Variants in NSD2 observed in about 807,000 individuals in gnomAD.
The protein encoded by NSD2 is histone-lysine N-methyltransferase NSD2.
A neutral mutation model predicts 139.0 loss-of-function variants in NSD2; 12 were observed. The observed-to-expected ratio is 0.09, with a 90% CI of 0.06 to 0.14. The LOEUF (loss-of-function observed/expected upper bound fraction) is 0.14, where lower values mean the gene tolerates loss of function less well. Among genes scored for constraint, NSD2 ranks in the 10% least tolerant of loss-of-function variants. The pLI is 1.00. For missense variants in NSD2, 1,155 were observed against 1,745.0 expected (o/e 0.66, Z 6.02); for synonymous variants, 669 against 648.7 (o/e 1.03, Z -0.48).
chr4:1,874,842 CTG>C (rs1432919999), intron 1 of NSD2, among the ~76,000 whole-genome samples: 1 of 152,172 alleles, frequency 6.6e-6, no homozygotes, highest in Non-Finnish European at 1.5e-5. Flanking sequence ...TATTTGTAAA[CTG>C]TATGATTTGC....
At chr4:1,935,365 G>T in intron 7 of NSD2, 103 bp downstream of exon 7, 5 of 824,140 alleles carry the variant, frequency 6.1e-6, no homozygotes, top group South Asian at 1.8e-5. Flanking sequence ...GCAGGTGTCA[G>T]TGCACCCAGC....
chr4:1,923,948 C>G (rs1720511123), intron 5 of NSD2, among the ~76,000 whole-genome samples: 1 of 152,220 alleles, frequency 6.6e-6, no homozygotes, highest in Admixed American at 6.5e-5. Context: ...ATCCCTTTCT[C>G]TGCGTCCATC....
intron 6 of NSD2, among the ~76,000 whole-genome samples, chr4:1,934,123 T>A (rs577405766): frequency 1.8e-4 from 27 of 152,078 alleles, no homozygotes; most frequent in Non-Finnish European, 3.4e-4. Flanking sequence ...TTCGTTCTTG[T>A]TGCCCAGGCT....
Position 1,947,866 on chromosome 4 carries a change from A to G in NSD2, c.1882-3206A>G, listed in dbSNP as rs914508553. 5.7e-6 allele frequency: 6 copies of G among 1,053,220 alleles called. No homozygotes were observed. In the African/African-American group the frequency reaches 8.3e-5, roughly 15 times the overall value. 65.2% of individuals were successfully genotyped at this position (1,053,220 alleles called of 1,614,324 possible). On this transcript the variant is annotated intron_variant, in intron 9 of 21. Transcript: ENST00000508803. ...GTTTTGTCAAAAAATTAAAAACTCA[A>G]TGTGTATGACGCCACTCTGAAGAGT...
chr4:1,901,112 A>G lies in NSD2; in HGVS notation c.458A>G (p.Gln153Arg). The part of the protein sequence containing the change: ...ICGDSAADVS[Q>R]SEENGQKPEN... ...GGTGACAGTGCTGCTGATGTGTCTC[A>G]GTCAGAAGAAAATGGACAAAAACCA... The change falls in exon 2 of 22, where the codon CAG (glutamine) becomes CGG (arginine). Residue 153 changes from glutamine (Q) to arginine (R), a missense_variant. Around this residue, in one of 8 missense-constraint regions of NSD2, gnomAD observed 246 missense variants for 262.8 expected, o/e 0.94. Coordinates refer to ENST00000508803, the MANE Select transcript of NSD2 (RefSeq NM_001042424.3). 6.2e-7 allele frequency: 1 copy of G among 1,614,248 alleles called. No homozygotes were observed. The highest frequency in any genetic ancestry group is 8.5e-7 in the Non-Finnish European group (1 of 1,180,038).
chr4:1,924,637 G>A lies in NSD2; in HGVS notation c.1411-5989G>A, dbSNP rs1720610876. Among the ~76,000 whole-genome samples, 2 of 152,042 alleles carry A rather than the reference G, an allele frequency of 1.3e-5. 1 individual carries two copies. The highest frequency in any genetic ancestry group is 4.8e-5 in the African/African-American group (2 of 41,390). On this transcript the variant is annotated intron_variant, in intron 5 of 21. Coordinates refer to ENST00000508803, the MANE Select transcript of NSD2 (RefSeq NM_001042424.3). ...GTTAAAACTGAGTTCTGGGCAGAGT[G>A]CAGTGGCTCACACCTGTAATCCCAG...
chr4:1,908,417 C>A (rs1282689085), intron 3 of NSD2, among the ~76,000 whole-genome samples: 1 of 152,310 alleles, frequency 6.6e-6, no homozygotes. Context: ...CACAAGCAAA[C>A]CTACTTCAGA....
In NSD2 at chr4:1,955,251, G is replaced by A; in HGVS notation, c.2429G>A (p.Ser810Asn). ...AAGCSVIASN[S>N]IICTAHFTAR... ...GGATGCTCAGTGATCGCCTCCAACA[G>A]CATCATCTGCACTGCCCACTTCACT... is the stretch of plus-strand genomic sequence containing the variant. The change falls in exon 13 of 22, where the codon AGC becomes AAC. Residue 810 changes from serine to asparagine, a missense_variant. Ser to Asn is a conservative substitution (Grantham distance 46). Around this residue, in one of 8 missense-constraint regions of NSD2, gnomAD observed 120 missense variants for 239.3 expected, o/e 0.50. Transcript: ENST00000508803. This position sits in a 1 kb window ranked among gnomAD's most constrained non-coding sequence, Gnocchi z 4.7. 1 of 1,614,172 alleles carries A rather than the reference G, an allele frequency of 6.2e-7. No individual in the cohort carries two copies. The highest frequency in any genetic ancestry group is 8.5e-7 in the Non-Finnish European group (1 of 1,180,030).
At chr4:1,927,940 A>G (rs1289867901) in intron 5 of NSD2, among the ~76,000 whole-genome samples, 2 of 151,936 alleles carry the variant, frequency 1.3e-5, no homozygotes, top group Non-Finnish European at 2.9e-5. Flanking sequence ...CCCAGGCTGG[A>G]ATGCAGTGGT....
Position 1,925,776 on chromosome 4 carries a change from T to A in NSD2, c.1411-4850T>A, listed in dbSNP as rs552605678. 2.1e-3 allele frequency among the ~76,000 whole-genome samples: 311 copies of A among 148,106 alleles called. 3 individuals are homozygous for A. The highest frequency in any genetic ancestry group is 6.1e-3 in the African/African-American group (235 of 38,828). ...TTTTTATATATCTATATATATATTT[T>A]TTTTTGTTTGTTTGTTTGTTTGTTT... On this transcript the variant is annotated intron_variant, in intron 5 of 21. Transcript: ENST00000508803.
rs886059331 is a variant in NSD2, at chr4:1,980,830, C to CT, written c.*1922dup. On this transcript the variant is annotated 3_prime_UTR_variant, in exon 22 of 22. Coordinates refer to ENST00000508803, the MANE Select transcript of NSD2 (RefSeq NM_001042424.3). ...GGAGTAGTGCTTTCCAGTTCAGACT[C>CT]TAACTTCTCCCAAAGTGTCCTAAGA... The CT allele has an allele frequency of 1.2e-4, 29 of 233,052 alleles. No homozygotes were observed. Among genetic ancestry groups the CT allele is most frequent in the East Asian group, 7.3e-4 (12 of 16,334 alleles). 14.4% of individuals were successfully genotyped at this position (233,052 alleles called of 1,614,324 possible).
intron 20 of NSD2, 200 bp downstream of exon 20, chr4:1,975,600 C>G (rs1395317801): frequency 1.8e-5 from 10 of 564,532 alleles, no homozygotes; most frequent in Non-Finnish European, 2.8e-5. Context: ...GAACGTGTTT[C>G]CTGGGGCTGC....
In NSD2 at chr4:1,923,682, GC is replaced by G. The variant is rs201509574; in HGVS notation, c.1410+5061del. On this transcript the variant is annotated intron_variant, in intron 5 of 21. Coordinates refer to ENST00000508803, the MANE Select transcript of NSD2 (RefSeq NM_001042424.3). ...CAAGATCTAGTGAAATTGAAGATGT[GC>G]CTTTTTTTCTCTTACAGTTTTACTC... Among the ~76,000 whole-genome samples the G allele has an allele frequency of 5.4e-3, 824 of 152,252 alleles. 4 individuals are homozygous for G. The highest frequency in any genetic ancestry group is 0.019 in the African/African-American group (792 of 41,534).
rs765507563 is a variant in NSD2 at position 1,955,677 on chromosome 4, C to T, written c.2519-16C>T. The stretch of plus-strand genomic sequence containing the variant: ...GCAGACAGGCTAAGCCTGGCCGCCT[C>T]GCCCTCCTCTTGCAGGGGGGAGCCT... On this transcript the variant is annotated splice_polypyrimidine_tract_variant and intron_variant, in intron 13 of 21. Transcript: ENST00000508803. The surrounding 1 kb of genome is among the most constrained non-coding windows in gnomAD (Gnocchi z 4.7). 9 of 1,606,770 alleles carry T rather than the reference C, an allele frequency of 5.6e-6. No homozygotes were observed. Among genetic ancestry groups the T allele is most frequent in the South Asian group, 3.3e-5 (3 of 90,274 alleles).
chr4:1,885,130 A>T (rs1263593464), intron 1 of NSD2, among the ~76,000 whole-genome samples: 1 of 151,698 alleles, frequency 6.6e-6, no homozygotes, highest in African/African-American at 2.4e-5. Flanking sequence ...AAATAAAAAT[A>T]AAAAAAATAA....
In NSD2 at chr4:1,879,500, T is replaced by C. The variant is rs1180751826; in HGVS notation, c.-30+7958T>C. ...TCCCAAAATGCTGGGATTACAGGCT[T>C]GAGCCACCGCGCCTGGCCTACACAC... On this transcript the variant is annotated intron_variant, in intron 1 of 21. Transcript: ENST00000508803. Among the ~76,000 whole-genome samples, 3 of 152,174 alleles carry C rather than the reference T, an allele frequency of 2.0e-5. No individual in the cohort carries two copies. The East Asian group carries it at 5.8e-4, about 29-fold the overall frequency.
chr4:1,947,837 ATTTGT>A, intron 9 of NSD2: 1 of 1,050,366 alleles, frequency 9.5e-7, no homozygotes, highest in African/African-American at 1.7e-5. Flanking sequence ...TTGTGAAGGG[ATTTGT>A]TTTGTCAAAA....
Position 1,942,823 on chromosome 4 carries a change from G to C in NSD2, c.1881+3045G>C. ...GAAACAAACTAACAGCACACGTTAG[G>C]AGGAGTCCTCATCAGCTGTTCTCAT... On this transcript the variant is annotated intron_variant, in intron 9 of 21. Coordinates refer to ENST00000508803, the MANE Select transcript of NSD2 (RefSeq NM_001042424.3). The surrounding 1 kb of genome is among the most constrained non-coding windows in gnomAD (Gnocchi z 4.0). 2.8e-6 allele frequency: 3 copies of C among 1,072,012 alleles called. No individual in the cohort carries two copies. Among genetic ancestry groups the C allele is most frequent in the Non-Finnish European group, 3.4e-6 (3 of 882,900 alleles). The allele number at this position is 1,072,012 out of a possible 1,614,324, so 66.4% of individuals were successfully genotyped here.
chr4:1,919,501 C>T (rs546901943), intron 5 of NSD2, among the ~76,000 whole-genome samples: 1 of 152,184 alleles, frequency 6.6e-6, no homozygotes, highest in Non-Finnish European at 1.5e-5. Flanking sequence ...TTCCCCACTT[C>T]CCACTTTTGG....
Sources: allele counts gnomAD v4.1 joint callset (sites outside exome capture counted in the v4.1 genomes callset), GRCh38; gene constraint gnomAD v4.1.1; regional missense constraint gnomAD v4.1.1; non-coding constraint Gnocchi (gnomAD v3.1); transcripts MANE v1.5; gene names NCBI Gene and HGNC (gene_info 2026-07-23, HGNC 2026-07-21).